Variants in COL6A3 observed in about 807,000 individuals in gnomAD.
COL6A3 encodes the protein collagen alpha-3(VI) chain.
A neutral mutation model predicts 274.1 loss-of-function variants in COL6A3; 137 were observed. That is an observed-to-expected ratio of 0.50 (90% CI 0.44 to 0.58). The LOEUF (loss-of-function observed/expected upper bound fraction) is 0.58. Ranked by LOEUF, COL6A3 falls within the 20% of genes least tolerant of loss-of-function variation. COL6A3 has a pLI of 0.00. For missense variants in COL6A3, 3,950 were observed against 4,124.9 expected, an observed-to-expected ratio of 0.96 and a Z score of 1.16; for synonymous variants, 1,650 against 1,650.6, an observed-to-expected ratio of 1.00 and a Z score of 0.01.
intron 31 of COL6A3, among the ~76,000 whole-genome samples, chr2:237,347,289 TCA>T (rs374430423): frequency 1.5e-4 from 23 of 151,026 alleles, no homozygotes; most frequent in African/African-American, 5.1e-4. Flanking sequence ...TGAGACCTTG[TCA>T]CACACACACA....
intron 4 of COL6A3, among the ~76,000 whole-genome samples, chr2:237,383,665 T>A (rs1413833594): frequency 6.6e-6 from 1 of 152,144 alleles, no homozygotes; most frequent in Non-Finnish European, 1.5e-5. Flanking sequence ...CATATAACAA[T>A]GACCTGAGAA....
At chr2:237,328,835 T>C (rs968912264) in intron 42 of COL6A3, 1 of 152,212 alleles carries the variant, frequency 6.6e-6, no homozygotes, top group Non-Finnish European at 1.5e-5. Flanking sequence ...GAGAGGTGTT[T>C]ATGCTGCAAT....
Position 237,374,607 on chromosome 2 carries a change from G to A in COL6A3, c.3484C>T (p.Pro1162Ser), listed in dbSNP as rs770434049. The change falls in exon 8 of 44, where the codon CCC becomes TCC. Residue 1162 changes from proline (P) to serine (S), a missense_variant. By Grantham distance (74) the Pro-to-Ser change is moderately conservative. Around this residue, in one of 5 missense-constraint regions of COL6A3, gnomAD observed 1,934 missense variants for 1,984.3 expected, o/e 0.97. Coordinates refer to ENST00000295550, the MANE Select transcript of COL6A3 (RefSeq NM_004369.4). This position sits in a 1 kb window ranked among gnomAD's most constrained non-coding sequence, Gnocchi z 4.8. ...SVVVKRGGAV[P>S]IGIGIGNADI... ...GCGTTCCCGATGCCAATGCCAATGGGCACAGCCCCACCCCTCTTCACGACC... is the reference window on the plus strand; with the variant it reads ...GCGTTCCCGATGCCAATGCCAATGGACACAGCCCCACCCCTCTTCACGACC... 3.1e-6 allele frequency: 5 copies of A among 1,614,194 alleles called. No homozygotes were observed. The highest frequency in any genetic ancestry group is 1.1e-5 in the South Asian group (1 of 91,086).
At position 237,388,081 on chromosome 2, in the gene COL6A3, T is replaced by C. The variant is rs1444603903; in HGVS notation, c.813A>G (p.Lys271=). Residue 271 remains lysine (K), a synonymous_variant, in exon 4 of 44, where the codon AAA becomes AAG. Coordinates refer to ENST00000295550, the MANE Select transcript of COL6A3 (RefSeq NM_004369.4). ...GGATCTGCTGAGTTCCAATTGGGAGTTTCTCAAGGAGATTTACAAGGAAGT... is the reference window on the plus strand; with the variant it reads ...GGATCTGCTGAGTTCCAATTGGGAGCTTCTCAAGGAGATTTACAAGGAAGT... ...ILDFLVNLLE[K]LPIGTQQIRV... 1.9e-6 allele frequency: 3 copies of C among 1,614,150 alleles called. No homozygotes were observed. Among genetic ancestry groups the C allele is most frequent in the East Asian group, 2.2e-5 (1 of 44,884 alleles).
chr2:237,328,817 G>C (rs913253162), intron 42 of COL6A3: 19 of 152,158 alleles, frequency 1.2e-4, no homozygotes, highest in African/African-American at 4.6e-4. Flanking sequence ...ACTGAAGGAA[G>C]ACAGACTGAG....
At chr2:237,338,163 T>C (rs1274286482) in intron 39 of COL6A3, among the ~76,000 whole-genome samples, 2 of 152,208 alleles carry the variant, frequency 1.3e-5, no homozygotes, top group Non-Finnish European at 2.9e-5. Context: ...GGACATGCTT[T>C]GGTCAATAGA....
At chr2:237,333,704 G>A (rs1340443514) in intron 41 of COL6A3, among the ~76,000 whole-genome samples, 156 bp from the exon 42 acceptor site, 3 of 152,192 alleles carry the variant, frequency 2.0e-5, no homozygotes, top group Admixed American at 6.5e-5. Flanking sequence ...CTACATCCAC[G>A]ACTTATGCTG....
chr2:237,356,993 T>C (rs147037279), intron 23 of COL6A3: 341 of 383,874 alleles, frequency 8.9e-4, no homozygotes, highest in African/African-American at 6.1e-3. Flanking sequence ...CTCAGCCCTC[T>C]TGCCCCTTAT....
Position 237,372,063 on chromosome 2 carries a change from G to T in COL6A3, c.3954C>A (p.Tyr1318Ter). The change falls in exon 9 of 44, where the codon TAC (tyrosine) becomes TAA (stop). Residue 1318 changes from tyrosine to a stop codon, truncating the protein, a stop_gained. Coordinates refer to ENST00000295550, the MANE Select transcript of COL6A3 (RefSeq NM_004369.4). LOFTEE classifies it high-confidence loss of function. ...RQINVGNALE[Y>*]VSRNIFKRPL... ...GCCTCTTGAAGATGTTCCTGGACAC[G>T]TACTCCAGGGCATTGCCCACGTTGA... 1 of 1,614,028 alleles carries T rather than the reference G, an allele frequency of 6.2e-7. No homozygotes were observed. Among genetic ancestry groups the T allele is most frequent in the Non-Finnish European group, 8.5e-7 (1 of 1,180,018 alleles).
chr2:237,335,525 T>G (rs941978173), intron 40 of COL6A3, among the ~76,000 whole-genome samples: 1 of 152,220 alleles, frequency 6.6e-6, no homozygotes, highest in Non-Finnish European at 1.5e-5. Flanking sequence ...ATGGTCAGCA[T>G]GAGCATAGAT....
intron 1 of COL6A3, among the ~76,000 whole-genome samples, chr2:237,402,572 G>T (rs1445423388): frequency 6.6e-6 from 1 of 152,156 alleles, no homozygotes; most frequent in Non-Finnish European, 1.5e-5. Flanking sequence ...ACATCCTAAA[G>T]TGTGTCTACA....
intron 42 of COL6A3, chr2:237,328,311 T>A (rs191136543): frequency 6.6e-6 from 1 of 152,288 alleles, no homozygotes; most frequent in Admixed American, 6.5e-5. Flanking sequence ...TAAAACCCTG[T>A]TCTGGGAATC....
intron 1 of COL6A3, among the ~76,000 whole-genome samples, chr2:237,404,009 C>A (rs1574774840): frequency 6.6e-6 from 1 of 151,552 alleles, no homozygotes; most frequent in Non-Finnish European, 1.5e-5. Context: ...TTTTGTATGA[C>A]CTCAATTAAA....
In COL6A3 at chr2:237,371,400, C is replaced by A. The variant is rs922475424; in HGVS notation, c.4285+332G>T. Among the ~76,000 whole-genome samples the A allele has an allele frequency of 6.6e-6, 1 of 152,222 alleles. No homozygotes were observed. Among genetic ancestry groups the A allele is most frequent in the Non-Finnish European group, 1.5e-5 (1 of 68,016 alleles). On this transcript the variant is annotated intron_variant, in intron 9 of 43. Coordinates refer to ENST00000295550, the MANE Select transcript of COL6A3 (RefSeq NM_004369.4). The surrounding 1 kb of genome is among the most constrained non-coding windows in gnomAD (Gnocchi z 4.3). ...TCACTTGAGCTCAGGGGCTTGAGAC[C>A]AGCCTGGCCAACATGGTGAAACCCC... is the stretch of plus-strand genomic sequence containing the variant.
rs547184116 is a variant in COL6A3 at position 237,377,403 on chromosome 2, G to A, written c.2498-59C>T. ...ACGAGAGCATAACAGGAACCAAAGC[G>A]ACTTCAGCCCAGCACCATTTGACAA... On this transcript the variant is annotated intron_variant, in intron 6 of 43. Transcript: ENST00000295550. The A allele has an allele frequency of 6.4e-5, 97 of 1,526,986 alleles. No individual in the cohort carries two copies. The East Asian group carries it at 1.5e-3, about 23-fold the overall frequency. The allele number at this position is 1,526,986 out of a possible 1,614,324, so 94.6% of individuals were successfully genotyped here.
In COL6A3 at chr2:237,353,319, A is replaced by G. The variant is rs1312052475; in HGVS notation, c.6690+22T>C. On this transcript the variant is annotated intron_variant, in intron 25 of 43. Transcript: ENST00000295550. ...ATTTGTGAAATATCAGAGGGCACAC[A>G]GTCACACACGGAAGCACTCACCTGT... 4.3e-6 allele frequency: 7 copies of G among 1,611,404 alleles called. No individual in the cohort carries two copies. The African/African-American group carries it at 9.3e-5, about 22-fold the overall frequency.
At position 237,381,030 on chromosome 2, in the gene COL6A3, C is replaced by G. The variant is rs1363660606; in HGVS notation, c.1782G>C (p.Glu594Asp). The change falls in exon 5 of 44, where the codon GAG becomes GAC. Residue 594 changes from glutamate (E) to aspartate (D), a missense_variant. Physicochemically the swap from Glu to Asp is conservative, Grantham distance 45 (BLOSUM62 2). Transcript: ENST00000295550. ...ACACCAGGGAGGAGTCGAAAGCGATCTCTTCCAGCTCAGCCTGATCGGCAC... is the reference window on the plus strand; with the variant it reads ...ACACCAGGGAGGAGTCGAAAGCGATGTCTTCCAGCTCAGCCTGATCGGCAC... ...NKGADQAELE[E>D]IAFDSSLVFI... The G allele has an allele frequency of 6.2e-7, 1 of 1,614,122 alleles. No individual in the cohort carries two copies. The highest frequency in any genetic ancestry group is 8.5e-7 in the Non-Finnish European group (1 of 1,180,052).
At chr2:237,330,713 G>A (rs943862437) in intron 42 of COL6A3, among the ~76,000 whole-genome samples, 8 of 152,166 alleles carry the variant, frequency 5.3e-5, no homozygotes, top group Non-Finnish European at 1.0e-4. Flanking sequence ...GACTGCCCTC[G>A]CATTACATGC....
At chr2:237,382,780 C>T (rs956205295) in intron 4 of COL6A3, among the ~76,000 whole-genome samples, 4 of 152,076 alleles carry the variant, frequency 2.6e-5, no homozygotes, top group Admixed American at 6.6e-5. Flanking sequence ...CCTTCTAGAA[C>T]ATATTTTTAT....
Sources: gnomAD v4.1 joint callset for allele counts (sites outside exome capture counted in the v4.1 genomes callset) on GRCh38, gnomAD v4.1.1 for gene constraint, gnomAD v4.1.1 regional missense constraint, Gnocchi (gnomAD v3.1) non-coding constraint, MANE v1.5 for transcripts, NCBI Gene and HGNC (gene_info 2026-07-23, HGNC 2026-07-21) for gene names.